RALGAPA2: variants seen among roughly 807,000 people sequenced by gnomAD.
RALGAPA2 encodes the protein ral GTPase-activating protein subunit alpha-2.
RALGAPA2 carries 139 observed loss-of-function variants against 230.4 expected under a neutral mutation model. The observed-to-expected ratio is 0.60, with a 90% CI of 0.53 to 0.69. The LOEUF is 0.69. Ranked by LOEUF, RALGAPA2 falls within the 30% of genes least tolerant of loss-of-function variation. RALGAPA2 has a pLI of 0.00. For missense variants in RALGAPA2, 2,163 were observed against 2,276.0 expected, an observed-to-expected ratio of 0.95 and a Z score of 1.01; for synonymous variants, 847 against 837.8, an observed-to-expected ratio of 1.01 and a Z score of -0.19.
At chr20:20,650,789 C>T (rs1169664056) in intron 4 of RALGAPA2, among the ~76,000 whole-genome samples, 2 of 152,112 alleles carry the variant, frequency 1.3e-5, no homozygotes, top group Non-Finnish European at 2.9e-5. Flanking sequence ...CAGTCAAGAC[C>T]CGGACTGACT....
At position 20,583,140 on chromosome 20, in the gene RALGAPA2, G is replaced by A; in HGVS notation, c.2617C>T (p.Pro873Ser). 6.2e-7 allele frequency: 1 copy of A among 1,613,658 alleles called. No homozygotes were observed. Among genetic ancestry groups the A allele is most frequent in the Non-Finnish European group, 8.5e-7 (1 of 1,179,722 alleles). The stretch of plus-strand genomic sequence containing the variant: ...ACATCTGTGGGAGTATTCAGTTCTG[G>A]GTCTTCCTCACAGGTCTGCCATGGG... ...MGPWQTCEED[P>S]ELNTPTDVVA... The change falls in exon 20 of 40, where the codon CCA becomes TCA. Residue 873 changes from proline (P) to serine (S), a missense_variant. By Grantham distance (74) the Pro-to-Ser change is moderately conservative. Coordinates refer to ENST00000202677, the MANE Select transcript of RALGAPA2 (RefSeq NM_020343.4).
chr20:20,396,155 G>A (rs1041759635), intron 39 of RALGAPA2, among the ~76,000 whole-genome samples: 2 of 152,208 alleles, frequency 1.3e-5, no homozygotes, highest in Admixed American at 6.5e-5. Flanking sequence ...GTCCTAGACC[G>A]CAGCCCATTC....
intron 10 of RALGAPA2, among the ~76,000 whole-genome samples, chr20:20,625,267 G>T (rs1255440673): frequency 6.6e-6 from 1 of 152,036 alleles, no homozygotes; most frequent in Non-Finnish European, 1.5e-5. Context: ...CCTCTCTGCT[G>T]GTGTCTCATC....
intron 39 of RALGAPA2, among the ~76,000 whole-genome samples, chr20:20,394,731 T>C (rs1370674699): frequency 6.6e-6 from 1 of 151,946 alleles, no homozygotes; most frequent in Non-Finnish European, 1.5e-5. Context: ...GAAGCTAGAT[T>C]GTTACAAGGC....
At position 20,553,039 on chromosome 20, in the gene RALGAPA2, A is replaced by G. The variant is rs543888689; in HGVS notation, c.3157-6207T>C. Reference sequence around the variant, plus strand: ...GAAAAGTCACTGAGAATAAGACAGCAGGACAAAGCTGAAAATTACTTTCAT... The same window carrying G: ...GAAAAGTCACTGAGAATAAGACAGCGGGACAAAGCTGAAAATTACTTTCAT... On this transcript the variant is annotated intron_variant, in intron 23 of 39. Coordinates refer to ENST00000202677, the MANE Select transcript of RALGAPA2 (RefSeq NM_020343.4). Among the ~76,000 whole-genome samples, 12 of 152,362 alleles carry G rather than the reference A, an allele frequency of 7.9e-5. No individual in the cohort carries two copies. In the South Asian group the frequency reaches 1.9e-3, roughly 24 times the overall value.
intron 37 of RALGAPA2, among the ~76,000 whole-genome samples, chr20:20,428,208 A>C (rs2060427116): frequency 6.6e-6 from 1 of 152,234 alleles, no homozygotes; most frequent in Non-Finnish European, 1.5e-5. Context: ...AAACTCATAA[A>C]ATATACAAAT....
intron 1 of RALGAPA2, among the ~76,000 whole-genome samples, chr20:20,697,646 G>A (rs951068418): frequency 1.3e-5 from 2 of 152,128 alleles, no homozygotes; most frequent in Non-Finnish European, 2.9e-5. Context: ...CTCACCCAGC[G>A]ATTGGTACAG....
intron 2 of RALGAPA2, among the ~76,000 whole-genome samples, chr20:20,679,908 C>T (rs1477425018): frequency 6.6e-6 from 1 of 152,226 alleles, no homozygotes; most frequent in Non-Finnish European, 1.5e-5. Flanking sequence ...AAATGAATGA[C>T]ATCTACTTCA....
chr20:20,397,483 G>A (rs2059741110), intron 38 of RALGAPA2, among the ~76,000 whole-genome samples: 1 of 151,880 alleles, frequency 6.6e-6, no homozygotes, highest in African/African-American at 2.4e-5. Flanking sequence ...GGTTTCCTTG[G>A]CAAATGCATC....
At position 20,582,182 on chromosome 20, in the gene RALGAPA2, G is replaced by GTC. The variant is rs879639333; in HGVS notation, c.2707+867_2707+868insGA. 1.4e-3 allele frequency among the ~76,000 whole-genome samples: 217 copies of GTC among 151,984 alleles called. 1 individual carries two copies. The highest frequency in any genetic ancestry group is 2.7e-3 in the Non-Finnish European group (181 of 67,970). On this transcript the variant is annotated intron_variant, in intron 20 of 39. Transcript: ENST00000202677. ...ACACAGTGTGTGTGTGTGTGTGTGT[G>GTC]TGTGTGTGTGTGTGTCTGTGTGTGT...
intron 38 of RALGAPA2, among the ~76,000 whole-genome samples, chr20:20,399,782 G>T (rs2059794598): frequency 6.6e-6 from 1 of 152,230 alleles, no homozygotes; most frequent in Non-Finnish European, 1.5e-5. Flanking sequence ...TACTCACTGG[G>T]ATAGCAAGAG....
intron 30 of RALGAPA2, among the ~76,000 whole-genome samples, chr20:20,522,531 G>C (rs1353604992): frequency 1.3e-5 from 2 of 152,214 alleles, no homozygotes; most frequent in Non-Finnish European, 1.5e-5. Context: ...ACACAGGATA[G>C]CGGCTATCCC....
In RALGAPA2 at chr20:20,515,242, G is replaced by A. The variant is rs368342129; in HGVS notation, c.4085-1958C>T. Reference sequence around the variant, plus strand: ...CATCTACTGGCTTGTAGGTCAAATCGCACAGCCCCATATAAAACCTGCCGA... The same window carrying A: ...CATCTACTGGCTTGTAGGTCAAATCACACAGCCCCATATAAAACCTGCCGA... On this transcript the variant is annotated intron_variant, in intron 31 of 39. Transcript: ENST00000202677. Among the ~76,000 whole-genome samples the A allele has an allele frequency of 2.7e-4, 41 of 152,276 alleles. 1 individual carries two copies. The highest frequency in any genetic ancestry group is 2.3e-3 in the East Asian group (12 of 5,188).
In RALGAPA2 at chr20:20,620,571, T is replaced by C. The variant is rs2066288312; in HGVS notation, c.1293A>G (p.Arg431=). 6.8e-6 allele frequency: 11 copies of C among 1,613,904 alleles called. No individual in the cohort carries two copies. Among genetic ancestry groups the C allele is most frequent in the Non-Finnish European group, 9.3e-6 (11 of 1,179,842 alleles). The part of the protein sequence containing the change: ...AVTRKVVQVY[R]KWILQDKPVF... Reference sequence around the variant, plus strand: ...CAGGTTTGTCCTGGAGAATCCACTTTCTGTACACTTGAACTACTTTTCTTG... The same window carrying C: ...CAGGTTTGTCCTGGAGAATCCACTTCCTGTACACTTGAACTACTTTTCTTG... Residue 431 remains arginine, a synonymous_variant, in exon 11 of 40, where the codon AGA becomes AGG. Coordinates refer to ENST00000202677, the MANE Select transcript of RALGAPA2 (RefSeq NM_020343.4).
intron 10 of RALGAPA2, among the ~76,000 whole-genome samples, chr20:20,627,471 T>C (rs889077162): frequency 3.3e-5 from 5 of 152,208 alleles, no homozygotes; most frequent in Admixed American, 1.3e-4. Flanking sequence ...AGTGCCACCT[T>C]GTCTACATTG....
intron 24 of RALGAPA2, among the ~76,000 whole-genome samples, chr20:20,537,296 A>G (rs1026264064): frequency 2.0e-5 from 3 of 152,124 alleles, no homozygotes; most frequent in Admixed American, 1.3e-4. Flanking sequence ...AGATACTTTT[A>G]TTTGCCCAGT....
At chr20:20,611,448 C>A (rs756179994) in intron 13 of RALGAPA2, 22 bp from the exon 14 acceptor site, 1 of 1,606,436 alleles carries the variant, frequency 6.2e-7, no homozygotes, top group South Asian at 1.1e-5. Flanking sequence ...AAAATAAAAG[C>A]TCATATTAAT....
At chr20:20,607,079 C>A (rs2065843142) in intron 14 of RALGAPA2, among the ~76,000 whole-genome samples, 1 of 152,174 alleles carries the variant, frequency 6.6e-6, no homozygotes, top group African/African-American at 2.4e-5. Context: ...ATTGGCCCAA[C>A]CCAGATGCAA....
At chr20:20,680,857 T>G (rs2068494425) in intron 1 of RALGAPA2, 56 bp from the exon 2 acceptor site, 1 of 1,509,556 alleles carries the variant, frequency 6.6e-7, no homozygotes, top group East Asian at 2.4e-5. Context: ...CACAAGAATT[T>G]AGAAACAAAC....
Sources: allele counts gnomAD v4.1 joint callset (sites outside exome capture counted in the v4.1 genomes callset), GRCh38; gene constraint gnomAD v4.1.1; transcripts MANE v1.5; gene names NCBI Gene and HGNC (gene_info 2026-07-23, HGNC 2026-07-21).